The following MED13L variants were observed in gnomAD, a reference collection of about 807,000 sequenced individuals.
The protein encoded by MED13L is mediator complex subunit 13L.
A neutral mutation model predicts 220.9 loss-of-function variants in MED13L; 7 were observed. The ratio of observed to expected loss-of-function variants is 0.03; its 90% CI spans 0.02 to 0.06. MED13L has a LOEUF of 0.06. MED13L is among the 10% of genes least tolerant of loss of function. The pLI, the probability that MED13L is intolerant of heterozygous loss-of-function variation, is 1.00. For synonymous variants in MED13L, 1,011 were observed against 1,015.2 expected, an observed-to-expected ratio of 1.00 and a Z score of 0.08; for missense variants, 1,965 against 2,760.5, an observed-to-expected ratio of 0.71 and a Z score of 6.46.
chr12:116,248,349 T>G (rs1345643447), intron 1 of MED13L, among the ~76,000 whole-genome samples: 1 of 152,082 alleles, frequency 6.6e-6, no homozygotes, highest in Non-Finnish European at 1.5e-5. Flanking sequence ...ACAACAACAG[T>G]GAGAGCTCCC....
In MED13L at chr12:115,975,552, A is replaced by G. The variant is rs1433193159; in HGVS notation, c.5551T>C (p.Leu1851=). ...GCAATATTTACAACGCAGGTCTCTA[A>G]TAATTCCCCATGGAGGTCAGTGCAG... ...ASCTDLHGEL[L]ETCVVNIALP... The change falls in exon 24 of 31, where the codon TTA becomes CTA. Residue 1851 remains leucine, a synonymous_variant. Coordinates refer to ENST00000281928, the MANE Select transcript of MED13L (RefSeq NM_015335.5). The G allele has an allele frequency of 5.6e-6, 9 of 1,614,168 alleles. No homozygotes were observed. The highest frequency in any genetic ancestry group is 3.3e-4 in the Middle Eastern group (2 of 6,058).
intron 2 of MED13L, chr12:116,174,649 A>G (rs954648399): frequency 6.6e-6 from 1 of 152,208 alleles, no homozygotes; most frequent in Non-Finnish European, 1.5e-5. Flanking sequence ...GGATAACTCT[A>G]TGGGATAGTT....
At chr12:116,064,805 C>T (rs1869788896) in intron 4 of MED13L, among the ~76,000 whole-genome samples, 1 of 152,170 alleles carries the variant, frequency 6.6e-6, no homozygotes, top group African/African-American at 2.4e-5. Flanking sequence ...CCATTATGTA[C>T]CCAATCTCCA....
intron 4 of MED13L, among the ~76,000 whole-genome samples, chr12:116,024,375 T>C (rs1454057097): frequency 1.3e-5 from 2 of 152,146 alleles, no homozygotes; most frequent in Non-Finnish European, 2.9e-5. Flanking sequence ...TAACCAGTAG[T>C]GATTTCTTCA....
intron 16 of MED13L, 88 bp downstream of exon 16, chr12:115,996,388 G>T: frequency 6.8e-7 from 1 of 1,480,200 alleles, no homozygotes; most frequent in Non-Finnish European, 9.4e-7. Context: ...CACCGCGCCC[G>T]GACCTTGTCA....
In MED13L at chr12:115,960,032, G is replaced by C. The variant is rs958417466; in HGVS notation, c.*1234C>G. The C allele has an allele frequency of 2.0e-5, 3 of 152,458 alleles. No homozygotes were observed. The highest frequency in any genetic ancestry group is 6.6e-5 in the Admixed American group (1 of 15,256). The allele number at this position is 152,458 out of a possible 1,614,324, so 9.4% of individuals were successfully genotyped here. A position where few individuals can be genotyped will look rare whatever the true frequency, so the allele number is the denominator to read the frequency against. ...GTTTCAAAGACAACCCTCTGGGCCA[G>C]GAATGAGGAGTCATAAAATACTTCA... On this transcript the variant is annotated 3_prime_UTR_variant, in exon 31 of 31. Coordinates refer to ENST00000281928, the MANE Select transcript of MED13L (RefSeq NM_015335.5).
chr12:116,041,954 A>T (rs757205211), intron 4 of MED13L, among the ~76,000 whole-genome samples: 1 of 152,216 alleles, frequency 6.6e-6, no homozygotes, highest in African/African-American at 2.4e-5. Context: ...AAGAGGAGAC[A>T]ACTCAGGAGA....
chr12:116,190,961 G>A (rs922003918), intron 2 of MED13L, among the ~76,000 whole-genome samples: 1 of 151,902 alleles, frequency 6.6e-6, no homozygotes, highest in African/African-American at 2.4e-5. Context: ...GCGTGGTGGT[G>A]CGTGCCTGTA....
rs192626964 is a variant in MED13L at position 116,088,490 on chromosome 12, G to T, written c.479+8179C>A. Reference sequence around the variant, plus strand: ...GGAGACATTTTGGGTTGTCACGACTGAGGGAGGAGGGTGTGACTGGCATCA... The same window carrying T: ...GGAGACATTTTGGGTTGTCACGACTTAGGGAGGAGGGTGTGACTGGCATCA... On this transcript the variant is annotated intron_variant, in intron 4 of 30. Coordinates refer to ENST00000281928, the MANE Select transcript of MED13L (RefSeq NM_015335.5). Among the ~76,000 whole-genome samples the T allele has an allele frequency of 1.1e-4, 17 of 152,266 alleles. No homozygotes were observed. In the East Asian group the frequency reaches 3.3e-3, roughly 29 times the overall value.
chr12:116,083,985 T>A (rs540061401), intron 4 of MED13L, among the ~76,000 whole-genome samples: 1 of 152,196 alleles, frequency 6.6e-6, no homozygotes, highest in African/African-American at 2.4e-5. Flanking sequence ...CTCTGAAACA[T>A]GTAATGCTTG....
intron 14 of MED13L, among the ~76,000 whole-genome samples, chr12:115,999,182 G>A (rs1286264513): frequency 6.6e-6 from 1 of 152,172 alleles, no homozygotes; most frequent in East Asian, 1.9e-4. Flanking sequence ...GGAGGCCAAG[G>A]CAGGCAGATC....
At chr12:115,989,439 C>T (rs1361007186) in intron 17 of MED13L, among the ~76,000 whole-genome samples, 3 of 151,900 alleles carry the variant, frequency 2.0e-5, no homozygotes, top group South Asian at 2.1e-4. Flanking sequence ...CACCTATACC[C>T]GTCAGAATGT....
chr12:116,259,182 A>C (rs561129615), intron 1 of MED13L, among the ~76,000 whole-genome samples: 6 of 152,304 alleles, frequency 3.9e-5, no homozygotes, highest in African/African-American at 1.4e-4. Flanking sequence ...ACTGCTCAAA[A>C]ACATAATAAA....
intron 4 of MED13L, among the ~76,000 whole-genome samples, chr12:116,027,099 C>T (rs1372449663): frequency 6.6e-6 from 1 of 152,036 alleles, no homozygotes; most frequent in Non-Finnish European, 1.5e-5. Flanking sequence ...TTGCATGTGG[C>T]ATAACATTTT....
At chr12:116,273,564 A>G (rs1163082940) in intron 1 of MED13L, among the ~76,000 whole-genome samples, 1 of 148,106 alleles carries the variant, frequency 6.8e-6, no homozygotes, top group Non-Finnish European at 1.5e-5. Flanking sequence ...CTTAAGACAA[A>G]AAGAAAGTAG....
intron 4 of MED13L, among the ~76,000 whole-genome samples, chr12:116,092,263 T>TG (rs1872288806): frequency 6.6e-6 from 1 of 152,224 alleles, no homozygotes; most frequent in Middle Eastern, 3.2e-3. Flanking sequence ...CGTTCACACT[T>TG]GAAGTGTCTG....
At chr12:116,266,725 A>G (rs1872861446) in intron 1 of MED13L, among the ~76,000 whole-genome samples, 1 of 152,202 alleles carries the variant, frequency 6.6e-6, no homozygotes, top group African/African-American at 2.4e-5. Flanking sequence ...ACAAACTTAC[A>G]AATTAACTTT....
intron 2 of MED13L, among the ~76,000 whole-genome samples, chr12:116,179,878 G>A (rs1181838759): frequency 6.6e-6 from 1 of 152,080 alleles, no homozygotes; most frequent in Non-Finnish European, 1.5e-5. Flanking sequence ...GCTATATTCT[G>A]AGTCTGTGAC....
intron 4 of MED13L, among the ~76,000 whole-genome samples, chr12:116,060,294 C>G (rs1869334974): frequency 6.6e-6 from 1 of 151,592 alleles, no homozygotes; most frequent in African/African-American, 2.4e-5. Context: ...TTCACAAAAA[C>G]AGGCCGGGCG....
Sources: allele counts gnomAD v4.1 joint callset (sites outside exome capture counted in the v4.1 genomes callset), GRCh38; gene constraint gnomAD v4.1.1; transcripts MANE v1.5; gene names NCBI Gene and HGNC (gene_info 2026-07-23, HGNC 2026-07-21).